The following MYBPC2 variants were observed in gnomAD, a reference collection of about 807,000 sequenced individuals.
MYBPC2 encodes myosin binding protein C2.
Under a neutral mutation model 137.0 loss-of-function variants are expected in MYBPC2, and 122 were observed. The ratio of observed to expected loss-of-function variants is 0.89; its 90% CI spans 0.77 to 1.03. MYBPC2 has a LOEUF of 1.03. MYBPC2 is among the 50% of genes least tolerant of loss of function. The pLI, the probability that MYBPC2 is intolerant of heterozygous loss-of-function variation, is 0.00. For synonymous variants in MYBPC2, 626 were observed against 612.3 expected, an observed-to-expected ratio of 1.02 and a Z score of -0.33; for missense variants, 1,500 against 1,534.4, an observed-to-expected ratio of 0.98 and a Z score of 0.37.
rs570606672 is a variant in MYBPC2 at position 50,464,428 on chromosome 19, C to G, written c.3311C>G (p.Thr1104Arg). Reference sequence around the variant, plus strand: ...ATAACCAATTACCAAGGAGTCCTGACGCTGAACATCCGTCGCCCCTCGCCC... The same window carrying G: ...ATAACCAATTACCAAGGAGTCCTGAGGCTGAACATCCGTCGCCCCTCGCCC... ...FLITNYQGVL[T>R]LNIRRPSPFD... is the part of the protein sequence containing the mutation. Residue 1104 changes from threonine to arginine, a missense_variant, in exon 27 of 28, where the codon ACG becomes AGG. By Grantham distance (71) the Thr-to-Arg change is moderately conservative (BLOSUM62 -1). Coordinates refer to ENST00000357701, the MANE Select transcript of MYBPC2 (RefSeq NM_004533.4). 5 of 1,611,762 alleles carry G rather than the reference C, an allele frequency of 3.1e-6. No individual in the cohort carries two copies. In the East Asian group the frequency reaches 8.9e-5, roughly 29 times the overall value.
intron 11 of MYBPC2, among the ~76,000 whole-genome samples, chr19:50,444,297 TCCATC>T (rs2039784076): frequency 1.6e-5 from 2 of 123,914 alleles, no homozygotes; most frequent in Non-Finnish European, 3.4e-5. Flanking sequence ...CATTCATCCA[TCCATC>T]CATCCATCCA....
At position 50,465,237 on chromosome 19, in the gene MYBPC2, T is replaced by C. The variant is rs960504812; in HGVS notation, c.3415+705T>C. Among the ~76,000 whole-genome samples the C allele has an allele frequency of 6.6e-6, 1 of 151,976 alleles. No individual in the cohort carries two copies. The highest frequency in any genetic ancestry group is 2.4e-5 in the African/African-American group (1 of 41,410). On this transcript the variant is annotated intron_variant, in intron 27 of 27. Transcript: ENST00000357701. The surrounding 1 kb of genome is among the most constrained non-coding windows in gnomAD (Gnocchi z 4.5). The stretch of plus-strand genomic sequence containing the variant: ...TGTGTCCACCCCGGTTCTTCCCACA[T>C]GATGTCCCAGCCACACCGGGCTGTT...
chr19:50,433,585 G>T (rs1345453353), intron 1 of MYBPC2, among the ~76,000 whole-genome samples: 1 of 151,936 alleles, frequency 6.6e-6, no homozygotes, highest in African/African-American at 2.4e-5. Flanking sequence ...TAATAGAGAC[G>T]GGTTTCGCCA....
chr19:50,437,751 T>C, intron 7 of MYBPC2, 33 bp downstream of exon 7: 1 of 1,583,668 alleles, frequency 6.3e-7, no homozygotes, highest in African/African-American at 1.3e-5. Context: ...AGAGGGGAGA[T>C]GGGACTCAAG....
intron 26 of MYBPC2, among the ~76,000 whole-genome samples, chr19:50,463,764 C>T (rs1212261458): frequency 1.3e-5 from 2 of 152,032 alleles, no homozygotes; most frequent in Non-Finnish European, 2.9e-5. Flanking sequence ...CATGGTGAAA[C>T]CCCATCTCTA....
At chr19:50,444,216 ATCCAC>A (rs1457668827) in intron 11 of MYBPC2, among the ~76,000 whole-genome samples, 2 of 148,490 alleles carry the variant, frequency 1.3e-5, no homozygotes, top group African/African-American at 5.0e-5. Flanking sequence ...GCATCCATCC[ATCCAC>A]TCATCCATCC....
chr19:50,454,072 G>T lies in MYBPC2; in HGVS notation c.1802G>T (p.Ser601Ile). 2 of 1,610,702 alleles carry T rather than the reference G, an allele frequency of 1.2e-6. No individual in the cohort carries two copies. The highest frequency in any genetic ancestry group is 1.7e-6 in the Non-Finnish European group (2 of 1,178,594). ...CGCATCGAGAAGCGGGTGGACTGCA[G>T]CAGCTTTGTGATTGAGAGTGCGCAG... Reference protein sequence around the residue: ...RTRIEKRVDCSSFVIESAQRE... With the variant: ...RTRIEKRVDCISFVIESAQRE... Residue 601 changes from serine (S) to isoleucine (I), a missense_variant, in exon 17 of 28, where the codon AGC becomes ATC. Ser to Ile is a moderately radical substitution (Grantham distance 142). Coordinates refer to ENST00000357701, the MANE Select transcript of MYBPC2 (RefSeq NM_004533.4).
intron 12 of MYBPC2, among the ~76,000 whole-genome samples, chr19:50,446,930 T>C (rs1339061363): frequency 2.7e-5 from 4 of 147,902 alleles, no homozygotes; most frequent in Non-Finnish European, 5.9e-5. Context: ...GAGGTTGCAG[T>C]GAGCCGAGAT....
chr19:50,435,316 C>G lies in MYBPC2; in HGVS notation c.109+66C>G, dbSNP rs557987741. ...CATCTCCATCCTCCTCGCTACGCCT[C>G]TCCAGGCCTTTCCCCAGCCTCTATC... On this transcript the variant is annotated intron_variant, in intron 2 of 27. Transcript: ENST00000357701. The surrounding 1 kb of genome is among the most constrained non-coding windows in gnomAD (Gnocchi z 4.8). 13 of 711,050 alleles carry G rather than the reference C, an allele frequency of 1.8e-5. No homozygotes were observed. The East Asian group carries it at 3.5e-4, about 19-fold the overall frequency. The allele number at this position is 711,050 out of a possible 1,614,324, so 44.0% of individuals were successfully genotyped here.
At chr19:50,445,772 G>A (rs528418716) in intron 11 of MYBPC2, 108 bp from the exon 12 acceptor site, 2 of 1,137,780 alleles carry the variant, frequency 1.8e-6, no homozygotes, top group South Asian at 3.1e-5. Context: ...CCTCCCTCCG[G>A]GGACCTGCCT....
chr19:50,449,902 T>C (rs2039841027), intron 13 of MYBPC2, among the ~76,000 whole-genome samples: 1 of 152,000 alleles, frequency 6.6e-6, no homozygotes, highest in South Asian at 2.1e-4. Context: ...ACACCTATAA[T>C]CCTAGCACTT....
intron 11 of MYBPC2, among the ~76,000 whole-genome samples, chr19:50,444,069 T>G (rs1054939465): frequency 6.6e-6 from 1 of 152,210 alleles, no homozygotes; most frequent in African/African-American, 2.4e-5. Context: ...CATTAAATAT[T>G]CATTCATCTG....
At position 50,443,830 on chromosome 19, in the gene MYBPC2, G is replaced by A. The variant is rs537673479; in HGVS notation, c.1133+14G>A. On this transcript the variant is annotated intron_variant, in intron 11 of 27. Transcript: ENST00000357701. ...CCAGGTGATGTGGTAAGTGACCCTT[G>A]ATCCCTGATCTCCATACAGGTGCAC... 2.5e-6 allele frequency: 4 copies of A among 1,605,866 alleles called. No homozygotes were observed. The Admixed American group carries it at 6.7e-5, about 27-fold the overall frequency.
At position 50,458,697 on chromosome 19, in the gene MYBPC2, G is replaced by T; in HGVS notation, c.2449G>T (p.Ala817Ser). Residue 817 changes from alanine (A) to serine (S), a missense_variant, in exon 21 of 28, where the codon GCG (alanine) becomes TCG (serine). Physicochemically the swap from Ala to Ser is moderately conservative, Grantham distance 99. Transcript: ENST00000357701. Reference protein sequence around the residue: ...ILFRVVGVNIAGRSEPATLAQ... With the variant: ...ILFRVVGVNISGRSEPATLAQ... ...CTTCCGAGTAGTTGGGGTCAACATC[G>T]CGGGGCGCAGCGAGCCGGCCACCCT... 6.2e-7 allele frequency: 1 copy of T among 1,610,728 alleles called. No individual in the cohort carries two copies. The highest frequency in any genetic ancestry group is 8.5e-7 in the Non-Finnish European group (1 of 1,179,864).
Position 50,435,263 on chromosome 19 carries a change from T to C in MYBPC2, c.109+13T>C. 1 of 1,083,090 alleles carries C rather than the reference T, an allele frequency of 9.2e-7. No individual in the cohort carries two copies. The highest frequency in any genetic ancestry group is 1.4e-6 in the Non-Finnish European group (1 of 713,510). 67.1% of individuals were successfully genotyped at this position (1,083,090 alleles called of 1,614,324 possible). On this transcript the variant is annotated intron_variant, in intron 2 of 27. Coordinates refer to ENST00000357701, the MANE Select transcript of MYBPC2 (RefSeq NM_004533.4). This position sits in a 1 kb window ranked among gnomAD's most constrained non-coding sequence, Gnocchi z 4.8. ...GAGGCCCCCAAAGGTGAGGAGGTGC[T>C]CCCTCGGGCTCAACCGACCTGGCTT...
intron 25 of MYBPC2, 26 bp from the exon 26 acceptor site, chr19:50,461,874 C>T (rs8113377): frequency 0.06 from 94,836 of 1,588,386 alleles, 3,758 homozygotes; most frequent in African/African-American, 0.19. Flanking sequence ...GATCAGTCGC[C>T]TTACGGGTGC....
At chr19:50,438,420 G>A (rs777229694) in intron 7 of MYBPC2, among the ~76,000 whole-genome samples, 6 of 152,078 alleles carry the variant, frequency 3.9e-5, no homozygotes, top group Admixed American at 2.6e-4. Flanking sequence ...GTGGGGAAGC[G>A]GATGGATGGA....
chr19:50,464,437 T>C lies in MYBPC2; in HGVS notation c.3320T>C (p.Ile1107Thr), dbSNP rs1204507928. Residue 1107 changes from isoleucine (I) to threonine (T), a missense_variant, in exon 27 of 28, where the codon ATC (isoleucine) becomes ACC (threonine). By Grantham distance (89) the Ile-to-Thr change is moderately conservative (BLOSUM62 -1). Coordinates refer to ENST00000357701, the MANE Select transcript of MYBPC2 (RefSeq NM_004533.4). ...TNYQGVLTLN[I>T]RRPSPFDAGT... ...TACCAAGGAGTCCTGACGCTGAACA[T>C]CCGTCGCCCCTCGCCCTTCGACGCT... 2.5e-6 allele frequency: 4 copies of C among 1,611,850 alleles called. No individual in the cohort carries two copies. The highest frequency in any genetic ancestry group is 1.7e-6 in the Non-Finnish European group (2 of 1,179,220).
At chr19:50,437,923 C>A (rs980233981) in intron 7 of MYBPC2, among the ~76,000 whole-genome samples, 4 of 152,092 alleles carry the variant, frequency 2.6e-5, no homozygotes, top group African/African-American at 7.2e-5. Flanking sequence ...TTTACCCAGA[C>A]CCCTACCCAC....
Sources: gnomAD v4.1 joint callset for allele counts (sites outside exome capture counted in the v4.1 genomes callset) on GRCh38, gnomAD v4.1.1 for gene constraint, Gnocchi (gnomAD v3.1) non-coding constraint, MANE v1.5 for transcripts, NCBI Gene and HGNC (gene_info 2026-07-23, HGNC 2026-07-21) for gene names.